ZBTB10: variants seen among roughly 807,000 people sequenced by gnomAD.
The protein encoded by ZBTB10 is zinc finger and BTB domain-containing protein 10.
Under a neutral mutation model 76.4 loss-of-function variants are expected in ZBTB10, and 32 were observed. The observed-to-expected ratio is 0.42, with a 90% confidence interval of 0.32 to 0.56. The LOEUF is 0.56. Ranked by LOEUF, ZBTB10 falls within the 20% of genes least tolerant of loss-of-function variation. The pLI is 0.14. For missense variants in ZBTB10, 1,057 were observed against 1,098.5 expected, an observed-to-expected ratio of 0.96 and a Z score of 0.53; for synonymous variants, 523 against 432.9, an observed-to-expected ratio of 1.21 and a Z score of -2.58.
Position 80,486,846 on chromosome 8 carries a change from G to A in ZBTB10, c.36G>A (p.Ala12=). ...SFSEMNRRTL[A]FRGGGLVTAS... is the part of the protein sequence containing the mutation. Reference sequence around the variant, plus strand: ...GTGAAATGAACCGCAGGACGCTGGCGTTCCGAGGAGGCGGGTTGGTCACCG... The same window carrying A: ...GTGAAATGAACCGCAGGACGCTGGCATTCCGAGGAGGCGGGTTGGTCACCG... Residue 12 remains alanine, a synonymous_variant, in exon 1 of 6, where the codon GCG becomes GCA. Transcript: ENST00000455036. 1 of 1,505,936 alleles carries A rather than the reference G, an allele frequency of 6.6e-7. No homozygotes were observed. The highest frequency in any genetic ancestry group is 8.9e-7 in the Non-Finnish European group (1 of 1,129,360). The allele number at this position is 1,505,936 out of a possible 1,614,324, so 93.3% of individuals were successfully genotyped here. A position where few individuals can be genotyped will look rare whatever the true frequency, so the allele number is the denominator to read the frequency against.
At chr8:80,490,600 A>T (rs945490338) in intron 1 of ZBTB10, among the ~76,000 whole-genome samples, 1 of 152,178 alleles carries the variant, frequency 6.6e-6, no homozygotes, top group African/African-American at 2.4e-5. Flanking sequence ...CTTTGTGGCC[A>T]TCAGGTTCTT....
At position 80,517,871 on chromosome 8, in the gene ZBTB10, C is replaced by T. The variant is rs1234800362; in HGVS notation, c.1961-532C>T. On this transcript the variant is annotated intron_variant, in intron 3 of 5. Coordinates refer to ENST00000455036, the MANE Select transcript of ZBTB10 (RefSeq NM_001105539.3). The stretch of plus-strand genomic sequence containing the variant: ...CATGTTTTTTTCTCCCGCCCGCCAC[C>T]TTTTTTTTTTTTTTTTTTTTTTTTT... 6.5e-5 allele frequency among the ~76,000 whole-genome samples: 5 copies of T among 76,844 alleles called. 1 individual carries two copies. The highest frequency in any genetic ancestry group is 3.0e-4 in the African/African-American group (5 of 16,582). 50.4% of individuals were successfully genotyped at this position (76,844 alleles called of 152,430 possible).
At chr8:80,489,976 G>A (rs1314345018) in intron 1 of ZBTB10, among the ~76,000 whole-genome samples, 1 of 152,130 alleles carries the variant, frequency 6.6e-6, no homozygotes. Context: ...ATAAATACCT[G>A]TTTGTCTTAA....
intron 4 of ZBTB10, 28 bp from the exon 5 acceptor site, chr8:80,518,754 G>T: frequency 6.3e-7 from 1 of 1,582,710 alleles, no homozygotes. Context: ...TGTGTAATAA[G>T]CACTTTCTCT....
chr8:80,518,712 TAAG>T (rs1361456597), intron 4 of ZBTB10, 67 bp from the exon 5 acceptor site: 3 of 1,501,946 alleles, frequency 2.0e-6, no homozygotes, highest in Non-Finnish European at 2.7e-6. Context: ...GAGATAGAGA[TAAG>T]AAGTTTTGAT....
chr8:80,499,403 T>C (rs562296900), intron 1 of ZBTB10, 91 bp from the exon 2 acceptor site: 7 of 1,344,592 alleles, frequency 5.2e-6, no homozygotes, highest in Non-Finnish European at 6.0e-6. Context: ...TGATTATCGC[T>C]TTTTAAAAAC....
At chr8:80,486,205 T>G (rs1473224061), upstream of ZBTB10, 1 of 1,093,370 alleles carries the variant, frequency 9.1e-7, no homozygotes, top group Non-Finnish European at 1.1e-6. Flanking sequence ...CGGTGCATTG[T>G]GGGCGCACGG....
Position 80,507,046 on chromosome 8 carries a change from G to C in ZBTB10, c.1861+6664G>C, listed in dbSNP as rs1032245569. 7.9e-5 allele frequency among the ~76,000 whole-genome samples: 12 copies of C among 151,598 alleles called. No homozygotes were observed. In the East Asian group the frequency reaches 1.7e-3, roughly 22 times the overall value. ...CCTCTGAGGCCGGGTGCAGTGGCTCGCGCCTGTAATCCCAGCACTTTGGGA... is the reference window on the plus strand; with the variant it reads ...CCTCTGAGGCCGGGTGCAGTGGCTCCCGCCTGTAATCCCAGCACTTTGGGA... On this transcript the variant is annotated intron_variant, in intron 2 of 5. Transcript: ENST00000455036.
chr8:80,515,049 G>T (rs912430808), intron 3 of ZBTB10, among the ~76,000 whole-genome samples: 1 of 152,194 alleles, frequency 6.6e-6, no homozygotes, highest in African/African-American at 2.4e-5. Flanking sequence ...AACAAAAAAT[G>T]GCTAAAGAGG....
intron 1 of ZBTB10, among the ~76,000 whole-genome samples, chr8:80,490,298 C>G (rs1815591984): frequency 1.3e-5 from 2 of 152,104 alleles, no homozygotes; most frequent in South Asian, 4.1e-4. Flanking sequence ...CTCTATTGCC[C>G]AGGCTGGAGT....
rs1398584473 is a variant in ZBTB10 at position 80,523,020 on chromosome 8, T to TA, written c.*3499dup. On this transcript the variant is annotated 3_prime_UTR_variant, in exon 6 of 6. Transcript: ENST00000455036. ...TAGATTCATTTTTCTGAAAAACGAT[T>TA]AAAAAAACTACCAATTTTTTTTTTG... 1 of 151,884 alleles carries TA rather than the reference T, an allele frequency of 6.6e-6. No homozygotes were observed. The highest frequency in any genetic ancestry group is 1.5e-5 in the Non-Finnish European group (1 of 67,842). 9.4% of individuals were successfully genotyped at this position (151,884 alleles called of 1,614,324 possible).
At chr8:80,498,238 T>G (rs928120720) in intron 1 of ZBTB10, among the ~76,000 whole-genome samples, 2 of 152,238 alleles carry the variant, frequency 1.3e-5, no homozygotes, top group African/African-American at 2.4e-5. Context: ...CTAACTCTCT[T>G]CTAAGCATGT....
intron 1 of ZBTB10, among the ~76,000 whole-genome samples, chr8:80,490,478 TC>T (rs1815600065): frequency 6.6e-6 from 1 of 152,104 alleles, no homozygotes; most frequent in Non-Finnish European, 1.5e-5. Context: ...CTCAAGCAAT[TC>T]TCCCACCTTG....
intron 2 of ZBTB10, among the ~76,000 whole-genome samples, chr8:80,506,562 A>AACC (rs1816058514): frequency 1.2e-5 from 1 of 85,578 alleles, no homozygotes. Flanking sequence ...CAGGTGATCC[A>AACC]CCCCCCCCCC....
chr8:80,506,022 T>G (rs1050327584), intron 2 of ZBTB10, among the ~76,000 whole-genome samples: 2 of 151,602 alleles, frequency 1.3e-5, no homozygotes, highest in African/African-American at 2.4e-5. Context: ...CCCAAAGTGC[T>G]GGGATTACAG....
intron 1 of ZBTB10, among the ~76,000 whole-genome samples, chr8:80,493,316 G>C (rs1815692906): frequency 6.6e-6 from 1 of 151,880 alleles, no homozygotes; most frequent in Non-Finnish European, 1.5e-5. Context: ...GAAAAATCAA[G>C]TTTGAATAGA....
rs1467578046 is a variant in ZBTB10 at position 80,486,704 on chromosome 8, C to CCGGGGG, written c.-98_-93dup. The CCGGGGG allele has an allele frequency of 3.6e-4, 360 of 996,608 alleles. No homozygotes were observed. The highest frequency in any genetic ancestry group is 6.6e-4 in the Admixed American group (11 of 16,574). 61.7% of individuals were successfully genotyped at this position (996,608 alleles called of 1,614,324 possible). On this transcript the variant is annotated 5_prime_UTR_variant, in exon 1 of 6. Coordinates refer to ENST00000455036, the MANE Select transcript of ZBTB10 (RefSeq NM_001105539.3). The stretch of plus-strand genomic sequence containing the variant: ...GGCCGAGCCCCGCGAGACCGGAACG[C>CCGGGGG]CGGGGGCGGGGGCGAGACAGAGGGG...
At chr8:80,511,448 A>T (rs1184120872) in intron 2 of ZBTB10, among the ~76,000 whole-genome samples, 2 of 152,230 alleles carry the variant, frequency 1.3e-5, no homozygotes, top group African/African-American at 4.8e-5. Context: ...TTTTAAAAAA[A>T]GATTGAGAAA....
intron 1 of ZBTB10, among the ~76,000 whole-genome samples, chr8:80,493,207 G>GCGCACACACACACA (rs375071529): frequency 8.5e-4 from 107 of 125,288 alleles, no homozygotes; most frequent in East Asian, 5.0e-3. Flanking sequence ...GCGCGCGCGC[G>GCGCACACACACACA]CACACACACA....
Sources: gnomAD v4.1 joint callset for allele counts (sites outside exome capture counted in the v4.1 genomes callset) on GRCh38, gnomAD v4.1.1 for gene constraint, MANE v1.5 for transcripts, NCBI Gene and HGNC (gene_info 2026-07-23, HGNC 2026-07-21) for gene names.